The following DEPDC1B variants were observed in gnomAD, a reference collection of about 807,000 sequenced individuals.
DEPDC1B encodes the protein DEP domain containing 1B.
A neutral mutation model predicts 66.5 loss-of-function variants in DEPDC1B; 51 were observed. The observed-to-expected ratio is 0.77, with a 90% CI of 0.61 to 0.97. The LOEUF (loss-of-function observed/expected upper bound fraction) is 0.97, where lower values mean the gene tolerates loss of function less well. Among genes scored for constraint, DEPDC1B ranks in the 50% least tolerant of loss-of-function variants. The probability of loss-of-function intolerance (pLI) is 0.00; values close to 1 mark genes in which losing one functional copy is unlikely to be tolerated. For synonymous variants in DEPDC1B, 226 were observed against 223.6 expected (o/e 1.01, Z -0.10); for missense variants, 552 against 637.1 (o/e 0.87, Z 1.44).
At chr5:60,644,673 G>A (rs1247212865) in intron 5 of DEPDC1B, 72 bp downstream of exon 5, 3 of 1,325,752 alleles carry the variant, frequency 2.3e-6, no homozygotes, top group Non-Finnish European at 2.0e-6. Flanking sequence ...GGAAGGGTCA[G>A]AAAGGAGCTG....
chr5:60,601,747 T>C (rs1009203715), intron 9 of DEPDC1B, among the ~76,000 whole-genome samples: 1 of 152,198 alleles, frequency 6.6e-6, no homozygotes, highest in African/African-American at 2.4e-5. Context: ...ATAATGATGA[T>C]ACCAACAACA....
chr5:60,684,732 T>C (rs931342576), intron 2 of DEPDC1B, among the ~76,000 whole-genome samples: 3 of 151,998 alleles, frequency 2.0e-5, no homozygotes, highest in East Asian at 1.9e-4. Flanking sequence ...AAAACAAAAA[T>C]AGACAAATGG....
At chr5:60,620,122 C>T (rs570492143) in intron 7 of DEPDC1B, among the ~76,000 whole-genome samples, 247 of 152,226 alleles carry the variant, frequency 1.6e-3, no homozygotes, top group African/African-American at 5.6e-3. Flanking sequence ...TTCCTTACAC[C>T]TTATACAAAA....
intron 1 of DEPDC1B, among the ~76,000 whole-genome samples, chr5:60,697,773 T>C (rs1266175233): frequency 6.6e-6 from 1 of 152,232 alleles, no homozygotes; most frequent in East Asian, 1.9e-4. Context: ...GAGGTGTTTG[T>C]TTCATTAATT....
chr5:60,597,648 T>C lies in DEPDC1B; in HGVS notation c.*105A>G. ...ATCTTTATCTATATTTCAGTAGTCTTTGTTTTATGCTTTTCTTTCTTCCAC... is the reference window on the plus strand; with the variant it reads ...ATCTTTATCTATATTTCAGTAGTCTCTGTTTTATGCTTTTCTTTCTTCCAC... On this transcript the variant is annotated 3_prime_UTR_variant, in exon 11 of 11. Transcript: ENST00000265036. 7.8e-7 allele frequency: 1 copy of C among 1,281,924 alleles called. No homozygotes were observed. Among genetic ancestry groups the C allele is most frequent in the Non-Finnish European group, 1.1e-6 (1 of 924,736 alleles). 79.4% of individuals were successfully genotyped at this position (1,281,924 alleles called of 1,614,324 possible). A position where few individuals can be genotyped will look rare whatever the true frequency, so the allele number is the denominator to read the frequency against.
chr5:60,605,723 T>C lies in DEPDC1B; in HGVS notation c.1032A>G (p.Pro344=), dbSNP rs1357498126. The change falls in exon 8 of 11, where the codon CCA becomes CCG. Residue 344 remains proline (P), a synonymous_variant. Coordinates refer to ENST00000265036, the MANE Select transcript of DEPDC1B (RefSeq NM_018369.3). ...MARICLNKEM[P]PLCDGFGTRT... is the part of the protein sequence containing the mutation. ...GGGTACCAAAGCCATCACACAGGGG[T>C]GGCATCTCTTTGTTTAAGCAAATCC... is the stretch of plus-strand genomic sequence containing the variant. The C allele has an allele frequency of 6.2e-7, 1 of 1,612,882 alleles. No homozygotes were observed.
At chr5:60,616,184 G>C (rs1355770610) in intron 7 of DEPDC1B, among the ~76,000 whole-genome samples, 1 of 152,162 alleles carries the variant, frequency 6.6e-6, no homozygotes, top group Non-Finnish European at 1.5e-5. Context: ...AAACCACAAA[G>C]ATGGGGGAAA....
rs1335120110 is a variant in DEPDC1B, at chr5:60,603,581, G to A, written c.1066-14C>T. The stretch of plus-strand genomic sequence containing the variant: ...TGTCTGAACCATCTAAAAAAAGAGC[G>A]GGGTGGGGGGTAAACGCAGATGAGT... On this transcript the variant is annotated splice_polypyrimidine_tract_variant and intron_variant, in intron 8 of 10. Coordinates refer to ENST00000265036, the MANE Select transcript of DEPDC1B (RefSeq NM_018369.3). 12 of 1,571,312 alleles carry A rather than the reference G, an allele frequency of 7.6e-6. No homozygotes were observed. The highest frequency in any genetic ancestry group is 4.0e-5 in the Admixed American group (2 of 49,722).
rs1584035322 is a variant in DEPDC1B at position 60,619,347 on chromosome 5, T to C, written c.899-13491A>G. ...TCGATTAGGAAAAGAGGAAGTCAAA[T>C]TGTCCCTGTTTGCAGATGACATGAT... is the stretch of plus-strand genomic sequence containing the variant. On this transcript the variant is annotated intron_variant, in intron 7 of 10. Transcript: ENST00000265036. Among the ~76,000 whole-genome samples the C allele has an allele frequency of 2.0e-5, 3 of 152,304 alleles. No individual in the cohort carries two copies. The South Asian group carries it at 6.2e-4, about 32-fold the overall frequency.
intron 7 of DEPDC1B, among the ~76,000 whole-genome samples, chr5:60,620,095 A>T: frequency 6.6e-6 from 1 of 152,248 alleles, no homozygotes; most frequent in East Asian, 1.9e-4. Context: ...ATATGTAGAA[A>T]GCTGAAACTA....
intron 6 of DEPDC1B, among the ~76,000 whole-genome samples, chr5:60,640,816 G>C (rs1232221333): frequency 6.6e-6 from 1 of 152,158 alleles, no homozygotes; most frequent in Non-Finnish European, 1.5e-5. Flanking sequence ...ACTGAAACAT[G>C]AATTGGGACT....
chr5:60,682,610 T>C (rs1158262823), intron 2 of DEPDC1B, among the ~76,000 whole-genome samples: 2 of 152,162 alleles, frequency 1.3e-5, no homozygotes, highest in Non-Finnish European at 2.9e-5. Flanking sequence ...ATCTTGAGCA[T>C]TTCAGAAAGT....
intron 2 of DEPDC1B, among the ~76,000 whole-genome samples, chr5:60,665,568 T>C (rs537455878): frequency 1.3e-5 from 2 of 152,300 alleles, no homozygotes; most frequent in African/African-American, 4.8e-5. Flanking sequence ...GTTAATGATA[T>C]TGAAGGCACC....
At chr5:60,618,108 A>T (rs932187981) in intron 7 of DEPDC1B, among the ~76,000 whole-genome samples, 1 of 152,342 alleles carries the variant, frequency 6.6e-6, no homozygotes, top group East Asian at 1.9e-4. Flanking sequence ...AAGACAAAAC[A>T]TACCAGAATC....
chr5:60,597,744 G>T lies in DEPDC1B; in HGVS notation c.*9C>A. ...GTGGTCTCTAGCACCTGTTGCTGTG[G>T]AAGTATTATTACATTCGAAAACTTC... On this transcript the variant is annotated 3_prime_UTR_variant, in exon 11 of 11. Coordinates refer to ENST00000265036, the MANE Select transcript of DEPDC1B (RefSeq NM_018369.3). The T allele has an allele frequency of 6.2e-7, 1 of 1,610,954 alleles. No individual in the cohort carries two copies. The highest frequency in any genetic ancestry group is 1.1e-5 in the South Asian group (1 of 90,470).
At chr5:60,626,324 A>T (rs1470455267) in intron 7 of DEPDC1B, among the ~76,000 whole-genome samples, 1 of 152,136 alleles carries the variant, frequency 6.6e-6, no homozygotes, top group Non-Finnish European at 1.5e-5. Context: ...TCATCACTTG[A>T]TGGACATTTC....
chr5:60,622,679 C>A (rs1561362980), intron 7 of DEPDC1B, among the ~76,000 whole-genome samples: 1 of 152,164 alleles, frequency 6.6e-6, no homozygotes, highest in African/African-American at 2.4e-5. Flanking sequence ...TCCAGGAGCC[C>A]CACACTCACC....
At chr5:60,639,246 C>T (rs1279971545) in intron 6 of DEPDC1B, among the ~76,000 whole-genome samples, 1 of 152,112 alleles carries the variant, frequency 6.6e-6, no homozygotes, top group African/African-American at 2.4e-5. Context: ...TTGAAATACT[C>T]AACATTATCC....
chr5:60,623,165 C>T (rs922735379), intron 7 of DEPDC1B, among the ~76,000 whole-genome samples: 1 of 152,114 alleles, frequency 6.6e-6, no homozygotes, highest in South Asian at 2.1e-4. Context: ...AATTTGAGTG[C>T]ATACAGTATA....
Sources: gnomAD v4.1 joint callset for allele counts (sites outside exome capture counted in the v4.1 genomes callset) on GRCh38, gnomAD v4.1.1 for gene constraint, MANE v1.5 for transcripts, NCBI Gene and HGNC (gene_info 2026-07-23, HGNC 2026-07-21) for gene names.